The following TMEM132D variants were observed in gnomAD, a reference collection of about 807,000 sequenced individuals.
TMEM132D encodes mature OL transmembrane protein.
In TMEM132D, 21 loss-of-function variants were observed where a neutral mutation model predicts 62.3. The ratio of observed to expected loss-of-function variants is 0.34; its 90% CI spans 0.24 to 0.49. The LOEUF is 0.49. TMEM132D is among the 20% of genes least tolerant of loss of function. TMEM132D has a pLI of 0.99. For synonymous variants in TMEM132D, 621 were observed against 575.6 expected, an observed-to-expected ratio of 1.08 and a Z score of -1.13; for missense variants, 1,346 against 1,402.8, an observed-to-expected ratio of 0.96 and a Z score of 0.65.
At chr12:129,630,916 C>T (rs931449831) in intron 2 of TMEM132D, among the ~76,000 whole-genome samples, 3 of 152,064 alleles carry the variant, frequency 2.0e-5, no homozygotes, top group Non-Finnish European at 4.4e-5. Flanking sequence ...GTCCATGAGT[C>T]TCATCATTTA....
At chr12:129,348,829 C>T (rs1869773830) in intron 3 of TMEM132D, among the ~76,000 whole-genome samples, 1 of 152,142 alleles carries the variant, frequency 6.6e-6, no homozygotes, top group African/African-American at 2.4e-5. Flanking sequence ...CCAGGCAATC[C>T]TGAGTGACGG....
chr12:129,664,116 C>T (rs561364650), intron 2 of TMEM132D, among the ~76,000 whole-genome samples: 2 of 152,248 alleles, frequency 1.3e-5, no homozygotes, highest in East Asian at 1.9e-4. Flanking sequence ...AGTTTGCTAA[C>T]TGAGTTTAAA....
rs535285184 is a variant in TMEM132D at position 129,259,665 on chromosome 12, C to T, written c.1300-50002G>A. On this transcript the variant is annotated intron_variant, in intron 4 of 8. Coordinates refer to ENST00000422113, the MANE Select transcript of TMEM132D (RefSeq NM_133448.3). ...CGAGGTAGGAGGCTCTTGCAATGGC[C>T]CAGGTGTAAAATGGAGGTCATACAG... 6.6e-5 allele frequency among the ~76,000 whole-genome samples: 10 copies of T among 152,090 alleles called. No homozygotes were observed. The South Asian group carries it at 2.1e-3, about 32-fold the overall frequency.
intron 3 of TMEM132D, among the ~76,000 whole-genome samples, chr12:129,529,102 C>T (rs1876141683): frequency 6.6e-6 from 1 of 152,014 alleles, no homozygotes; most frequent in East Asian, 1.9e-4. Flanking sequence ...AACCTTTTTC[C>T]ATCATCCAGA....
At chr12:129,409,056 C>A (rs941936541) in intron 3 of TMEM132D, among the ~76,000 whole-genome samples, 28 of 152,134 alleles carry the variant, frequency 1.8e-4, no homozygotes, top group African/African-American at 6.0e-4. Context: ...CCTCAGCCCC[C>A]CAAGTAGCTG....
intron 2 of TMEM132D, among the ~76,000 whole-genome samples, chr12:129,606,428 C>T (rs1306430069): frequency 6.6e-6 from 1 of 152,122 alleles, no homozygotes; most frequent in Non-Finnish European, 1.5e-5. Context: ...CGGAGCCACA[C>T]AGAGAAGCAG....
chr12:129,198,612 G>T (rs1878608986), intron 5 of TMEM132D, among the ~76,000 whole-genome samples: 1 of 152,160 alleles, frequency 6.6e-6, no homozygotes, highest in Non-Finnish European at 1.5e-5. Flanking sequence ...TAAAACAATG[G>T]ATGTCATCAA....
At chr12:129,365,509 A>C (rs1871899) in intron 3 of TMEM132D, among the ~76,000 whole-genome samples, 113,348 of 151,938 alleles carry the variant, frequency 0.75, 45,453 homozygotes, top group Non-Finnish European at 0.89. Context: ...AAAGCAGTCA[A>C]CGGGGTAGCA....
At chr12:129,897,984 A>C (rs1875203941) in intron 1 of TMEM132D, among the ~76,000 whole-genome samples, 1 of 152,180 alleles carries the variant, frequency 6.6e-6, no homozygotes, top group Non-Finnish European at 1.5e-5. Flanking sequence ...CCTGTCTTTT[A>C]TGTTGCTATG....
chr12:129,312,715 C>A (rs1419106991), intron 4 of TMEM132D, among the ~76,000 whole-genome samples: 1 of 151,922 alleles, frequency 6.6e-6, no homozygotes, highest in African/African-American at 2.4e-5. Context: ...GGACTACAGG[C>A]GCCCGCCACT....
chr12:129,347,390 T>C (rs530899136), intron 3 of TMEM132D, among the ~76,000 whole-genome samples: 7 of 152,250 alleles, frequency 4.6e-5, no homozygotes, highest in African/African-American at 7.2e-5. Context: ...AATAGAGACC[T>C]CTGAAATAAC....
intron 4 of TMEM132D, among the ~76,000 whole-genome samples, chr12:129,307,969 T>C (rs1010531653): frequency 6.6e-6 from 1 of 152,248 alleles, no homozygotes; most frequent in Non-Finnish European, 1.5e-5. Context: ...TTGAGACATT[T>C]CTCTCGAACT....
chr12:129,144,182 G>A (rs1876824673), intron 5 of TMEM132D, among the ~76,000 whole-genome samples: 1 of 151,930 alleles, frequency 6.6e-6, no homozygotes, highest in Non-Finnish European at 1.5e-5. Flanking sequence ...CTAGGATGAA[G>A]GTTAAGCCCC....
intron 5 of TMEM132D, among the ~76,000 whole-genome samples, chr12:129,089,616 CG>C (rs1373223082): frequency 5.9e-5 from 9 of 152,340 alleles, no homozygotes; most frequent in East Asian, 3.9e-4. Flanking sequence ...TCCTCCCTGA[CG>C]GGGGCCTTGC....
At chr12:129,117,913 A>G (rs780764329) in intron 5 of TMEM132D, among the ~76,000 whole-genome samples, 11 of 152,206 alleles carry the variant, frequency 7.2e-5, no homozygotes, top group Non-Finnish European at 1.6e-4. Context: ...GTATCAACTC[A>G]TGGCTAAAAT....
At chr12:129,730,777 A>G (rs904371010) in intron 1 of TMEM132D, among the ~76,000 whole-genome samples, 5 of 151,994 alleles carry the variant, frequency 3.3e-5, no homozygotes, top group Non-Finnish European at 7.4e-5. Context: ...AGACTGGCTG[A>G]GTCTCCTGGC....
At chr12:129,259,795 C>T (rs996596158) in intron 4 of TMEM132D, among the ~76,000 whole-genome samples, 1 of 152,204 alleles carries the variant, frequency 6.6e-6, no homozygotes, top group South Asian at 2.1e-4. Flanking sequence ...TATTTAGGAG[C>T]AAAGCTAATG....
intron 5 of TMEM132D, among the ~76,000 whole-genome samples, chr12:129,106,620 A>T (rs1018025638): frequency 9.9e-5 from 15 of 152,126 alleles, no homozygotes; most frequent in African/African-American, 3.6e-4. Flanking sequence ...GAGAAGGTTG[A>T]GAATGACCAG....
At chr12:129,326,990 C>A (rs988531111) in intron 4 of TMEM132D, among the ~76,000 whole-genome samples, 2 of 152,160 alleles carry the variant, frequency 1.3e-5, no homozygotes, top group African/African-American at 4.8e-5. Context: ...GTGAATGAGA[C>A]AGCTGTTAAG....
Sources: gnomAD v4.1 joint callset for allele counts (sites outside exome capture counted in the v4.1 genomes callset) on GRCh38, gnomAD v4.1.1 for gene constraint, MANE v1.5 for transcripts, NCBI Gene and HGNC (gene_info 2026-07-23, HGNC 2026-07-21) for gene names.